Variants in PPM1B observed in about 807,000 individuals in gnomAD.
PPM1B encodes protein phosphatase, Mg2+/Mn2+ dependent 1B.
A neutral mutation model predicts 43.0 loss-of-function variants in PPM1B; 22 were observed. The observed-to-expected ratio is 0.51, with a 90% CI of 0.37 to 0.73. The LOEUF (loss-of-function observed/expected upper bound fraction) is 0.73. Among genes scored for constraint, PPM1B ranks in the 30% least tolerant of loss-of-function variants. The probability of loss-of-function intolerance (pLI) is 0.00; values close to 1 mark genes in which losing one functional copy is unlikely to be tolerated. For missense variants in PPM1B, 632 were observed against 584.2 expected, an observed-to-expected ratio of 1.08 and a Z score of -0.84; for synonymous variants, 217 against 197.9, an observed-to-expected ratio of 1.10 and a Z score of -0.81.
intron 3 of PPM1B, chr2:44,213,766 A>C (rs528686836): frequency 1.3e-5 from 2 of 152,210 alleles, no homozygotes; most frequent in Non-Finnish European, 2.9e-5. Flanking sequence ...ATGTAAGAAC[A>C]CATTGAAGAT....
chr2:44,244,885 T>C (rs1670828405), downstream of PPM1B, among the ~76,000 whole-genome samples: 1 of 150,460 alleles, frequency 6.6e-6, no homozygotes, highest in East Asian at 1.9e-4. Context: ...TCTATGTGTA[T>C]ATATATACAT....
downstream of PPM1B, chr2:44,232,492 A>G: frequency 6.7e-7 from 1 of 1,486,770 alleles, no homozygotes; most frequent in Non-Finnish European, 8.9e-7. Flanking sequence ...ATTTCCCATC[A>G]TTTGTTCATA....
At chr2:44,199,692 A>G (rs1266264663) in intron 1 of PPM1B, among the ~76,000 whole-genome samples, 1 of 152,224 alleles carries the variant, frequency 6.6e-6, no homozygotes, top group Non-Finnish European at 1.5e-5. Flanking sequence ...CATTGCTCTC[A>G]GTACAAAATA....
chr2:44,200,723 C>G (rs535364659), intron 1 of PPM1B, among the ~76,000 whole-genome samples: 4 of 152,124 alleles, frequency 2.6e-5, no homozygotes, highest in Non-Finnish European at 5.9e-5. Context: ...AGTATACCTT[C>G]CTACCTTGAT....
At chr2:44,213,038 A>G (rs1439096788) in intron 3 of PPM1B, among the ~76,000 whole-genome samples, 3 of 147,918 alleles carry the variant, frequency 2.0e-5, no homozygotes, top group Non-Finnish European at 4.5e-5. Flanking sequence ...AAAAAATTCC[A>G]TTTAGTAAAA....
At chr2:44,207,580 C>CTTT (rs1002683351) in intron 2 of PPM1B, among the ~76,000 whole-genome samples, 6 of 143,988 alleles carry the variant, frequency 4.2e-5, no homozygotes, top group Non-Finnish European at 9.2e-5. Context: ...ATATGATATG[C>CTTT]TTTTTTTTTT....
chr2:44,228,425 G>C (rs150457410), intron 5 of PPM1B, among the ~76,000 whole-genome samples: 8 of 152,082 alleles, frequency 5.3e-5, no homozygotes, highest in Admixed American at 5.2e-4. Context: ...CCTCCTACCC[G>C]TCTCCCAAAG....
chr2:44,197,796 G>C (rs1352813062), intron 1 of PPM1B, among the ~76,000 whole-genome samples: 1 of 152,088 alleles, frequency 6.6e-6, no homozygotes, highest in Non-Finnish European at 1.5e-5. Context: ...TATAAATAGT[G>C]CTAACCTTAC....
intron 3 of PPM1B, among the ~76,000 whole-genome samples, chr2:44,212,047 G>T (rs1263372001): frequency 6.6e-6 from 1 of 152,100 alleles, no homozygotes; most frequent in Non-Finnish European, 1.5e-5. Flanking sequence ...ACCGCGCCTG[G>T]TTTAGTCATT....
In PPM1B at chr2:44,201,419, C is replaced by T; in HGVS notation, c.220C>T (p.His74Tyr). Residue 74 changes from histidine (H) to tyrosine (Y), a missense_variant, in exon 2 of 6, where the codon CAT becomes TAT. By Grantham distance (83) the His-to-Tyr change is moderately conservative (BLOSUM62 2). Transcript: ENST00000282412. This position sits in a 1 kb window ranked among gnomAD's most constrained non-coding sequence, Gnocchi z 5.4. Reference sequence around the variant, plus strand: ...CCGAGTGGCAAATTACTGCTCAACACATTTATTAGAACACATCACTACTAA... The same window carrying T: ...CCGAGTGGCAAATTACTGCTCAACATATTTATTAGAACACATCACTACTAA... ...GSRVANYCSTHLLEHITTNED... is the reference protein window; with the variant it reads ...GSRVANYCSTYLLEHITTNED... 2 of 1,614,118 alleles carry T rather than the reference C, an allele frequency of 1.2e-6. No homozygotes were observed. Among genetic ancestry groups the T allele is most frequent in the South Asian group, 1.1e-5 (1 of 91,080 alleles).
At position 44,217,998 on chromosome 2, in the gene PPM1B, G is replaced by T; in HGVS notation, c.996G>T (p.Met332Ile). The T allele has an allele frequency of 2.5e-6, 4 of 1,607,074 alleles. No homozygotes were observed. The highest frequency in any genetic ancestry group is 3.4e-6 in the Non-Finnish European group (4 of 1,177,992). Reference sequence around the variant, plus strand: ...TGGAGAAGTCTGGCGAGGAAGGAATGCCTGATCTTGCCCATGTCATGCGCA... The same window carrying T: ...TGGAGAAGTCTGGCGAGGAAGGAATTCCTGATCTTGCCCATGTCATGCGCA... ...EIMEKSGEEG[M>I]PDLAHVMRIL... is the part of the protein sequence containing the mutation. Residue 332 changes from methionine (M) to isoleucine (I), a missense_variant, in exon 4 of 6, where the codon ATG becomes ATT. Met to Ile is a conservative substitution (Grantham distance 10). Transcript: ENST00000282412.
chr2:44,242,237 G>A (rs1182982757), intron 5 of PPM1B, among the ~76,000 whole-genome samples: 2 of 151,882 alleles, frequency 1.3e-5, no homozygotes, highest in Non-Finnish European at 2.9e-5. Context: ...TAAAAGAATG[G>A]TACGTAAAAT....
Position 44,169,108 on chromosome 2 carries a change from G to A in PPM1B, c.-181G>A. The A allele has an allele frequency of 5.5e-6, 1 of 180,622 alleles. No homozygotes were observed. Among genetic ancestry groups the A allele is most frequent in the Non-Finnish European group, 1.2e-5 (1 of 86,898 alleles). 11.2% of individuals were successfully genotyped at this position (180,622 alleles called of 1,614,324 possible). A position where few individuals can be genotyped will look rare whatever the true frequency, so the allele number is the denominator to read the frequency against. Reference sequence around the variant, plus strand: ...AGAGAAGGCGGCATCGGCGGCGGCGGCGGCGTGAGGGGCCGGGCGGTGTAA... The same window carrying A: ...AGAGAAGGCGGCATCGGCGGCGGCGACGGCGTGAGGGGCCGGGCGGTGTAA... On this transcript the variant is annotated 5_prime_UTR_variant, in exon 1 of 6. Transcript: ENST00000282412.
chr2:44,232,621 A>T, downstream of PPM1B: 1 of 1,247,752 alleles, frequency 8.0e-7, no homozygotes, highest in Non-Finnish European at 1.0e-6. Flanking sequence ...CAGTGGAGTT[A>T]TTTCACCACA....
chr2:44,226,264 T>C (rs1670204430), intron 5 of PPM1B, among the ~76,000 whole-genome samples: 1 of 152,094 alleles, frequency 6.6e-6, no homozygotes, highest in African/African-American at 2.4e-5. Context: ...CCTGAGCCAC[T>C]GCGCCCGACC....
At chr2:44,230,254 A>G (rs1321224309) in intron 5 of PPM1B, 159 bp from the exon 6 acceptor site, 1 of 1,438,222 alleles carries the variant, frequency 7.0e-7, no homozygotes, top group East Asian at 2.4e-5. Context: ...AGTTTTTATT[A>G]ATTGATACAG....
At chr2:44,192,533 A>T (rs1162691604) in intron 1 of PPM1B, among the ~76,000 whole-genome samples, 1 of 152,128 alleles carries the variant, frequency 6.6e-6, no homozygotes, top group Non-Finnish European at 1.5e-5. Flanking sequence ...TTTATTTTTA[A>T]AATGTTTTCT....
intron 3 of PPM1B, among the ~76,000 whole-genome samples, chr2:44,211,022 GCT>G (rs1351630554): frequency 2.8e-4 from 42 of 152,210 alleles, no homozygotes; most frequent in Non-Finnish European, 1.5e-5. Flanking sequence ...TGTAATCCCA[GCT>G]ACTCCGGAGG....
In PPM1B at chr2:44,201,465, G is replaced by T; in HGVS notation, c.266G>T (p.Gly89Val). 1 of 1,614,208 alleles carries T rather than the reference G, an allele frequency of 6.2e-7. No individual in the cohort carries two copies. The highest frequency in any genetic ancestry group is 8.5e-7 in the Non-Finnish European group (1 of 1,180,028). ...ITTNEDFRAA[G>V]KSGSALELSV... ...ACTAACGAAGACTTTAGGGCAGCTG[G>T]AAAATCAGGATCTGCTCTTGAGCTT... Residue 89 changes from glycine to valine, a missense_variant, in exon 2 of 6, where the codon GGA (glycine) becomes GTA (valine). Physicochemically the swap from Gly to Val is moderately radical, Grantham distance 109. This residue lies in a region of PPM1B where 200 missense variants were observed against 200.7 expected (regional missense o/e 1.00). Coordinates refer to ENST00000282412, the MANE Select transcript of PPM1B (RefSeq NM_002706.6). The surrounding 1 kb of genome is among the most constrained non-coding windows in gnomAD (Gnocchi z 5.4).
Sources: allele counts gnomAD v4.1 joint callset (sites outside exome capture counted in the v4.1 genomes callset), GRCh38; gene constraint gnomAD v4.1.1; regional missense constraint gnomAD v4.1.1; non-coding constraint Gnocchi (gnomAD v3.1); transcripts MANE v1.5; gene names NCBI Gene and HGNC (gene_info 2026-07-23, HGNC 2026-07-21).